RABGAP1L: variants seen among roughly 807,000 people sequenced by gnomAD.
The protein encoded by RABGAP1L is RAB GTPase activating protein 1 like.
In RABGAP1L, 63 loss-of-function variants were observed where a neutral mutation model predicts 137.7. That is an observed-to-expected ratio of 0.46 (90% CI 0.37 to 0.56). The LOEUF (loss-of-function observed/expected upper bound fraction) is 0.56. RABGAP1L is among the 20% of genes least tolerant of loss of function. The probability of loss-of-function intolerance (pLI) is 0.00; values close to 1 mark genes in which losing one functional copy is unlikely to be tolerated. For synonymous variants in RABGAP1L, 431 were observed against 433.7 expected (o/e 0.99, Z 0.08); for missense variants, 1,095 against 1,244.0 (o/e 0.88, Z 1.80).
At chr1:174,377,943 AC>A (rs1349787521) in intron 12 of RABGAP1L, among the ~76,000 whole-genome samples, 36 of 67,070 alleles carry the variant, frequency 5.4e-4, no homozygotes, top group Non-Finnish European at 7.9e-4. Flanking sequence ...CCCTCCCCCC[AC>A]CCCACAACAG....
At chr1:174,474,912 A>G (rs990662723) in intron 13 of RABGAP1L, among the ~76,000 whole-genome samples, 1 of 151,958 alleles carries the variant, frequency 6.6e-6, no homozygotes, top group African/African-American at 2.4e-5. Flanking sequence ...TCTGATTCTT[A>G]TTTCTGTCAT....
chr1:174,403,824 T>G (rs1571639322), intron 13 of RABGAP1L, among the ~76,000 whole-genome samples: 1 of 150,892 alleles, frequency 6.6e-6, no homozygotes, highest in Non-Finnish European at 1.5e-5. Flanking sequence ...TTTTGGTTGG[T>G]GAATATCATG....
chr1:174,443,629 G>T (rs1654402110), intron 13 of RABGAP1L, among the ~76,000 whole-genome samples: 1 of 151,362 alleles, frequency 6.6e-6, no homozygotes, highest in African/African-American at 2.4e-5. Flanking sequence ...CATTTTTTAG[G>T]TTGCCTGTTC....
At chr1:174,951,846 T>C (rs1036273265) in intron 19 of RABGAP1L, among the ~76,000 whole-genome samples, 1 of 152,158 alleles carries the variant, frequency 6.6e-6, no homozygotes, top group African/African-American at 2.4e-5. Flanking sequence ...GCCAATAATA[T>C]CTTACCTTGA....
intron 13 of RABGAP1L, among the ~76,000 whole-genome samples, chr1:174,415,844 C>G (rs2149144649): frequency 6.6e-6 from 1 of 151,860 alleles, no homozygotes; most frequent in Middle Eastern, 3.4e-3. Flanking sequence ...CAAGTATTTG[C>G]AGGGGTGATT....
chr1:174,458,739 T>C (rs1209351993), intron 13 of RABGAP1L, among the ~76,000 whole-genome samples: 1 of 152,140 alleles, frequency 6.6e-6, no homozygotes, highest in African/African-American at 2.4e-5. Context: ...AATCGTATTT[T>C]ACCTTTAAGC....
At chr1:174,543,054 G>T (rs1665622738) in intron 13 of RABGAP1L, among the ~76,000 whole-genome samples, 1 of 152,166 alleles carries the variant, frequency 6.6e-6, no homozygotes, top group Non-Finnish European at 1.5e-5. Context: ...GTGGTGCTGA[G>T]AAGAATGTAT....
chr1:174,569,529 T>C (rs1367073208), intron 13 of RABGAP1L, among the ~76,000 whole-genome samples: 1 of 152,202 alleles, frequency 6.6e-6, no homozygotes, highest in East Asian at 1.9e-4. Flanking sequence ...AGCTGCTCTC[T>C]GGGGTTTCCT....
chr1:174,661,374 A>G (rs1056765472), intron 14 of RABGAP1L, among the ~76,000 whole-genome samples: 2 of 152,228 alleles, frequency 1.3e-5, no homozygotes, highest in African/African-American at 4.8e-5. Context: ...AAGGAGTAAG[A>G]AAACATGTAG....
intron 17 of RABGAP1L, among the ~76,000 whole-genome samples, chr1:174,729,858 T>G (rs879489225): frequency 4.6e-5 from 7 of 152,228 alleles, no homozygotes; most frequent in Non-Finnish European, 8.8e-5. Flanking sequence ...GAAACACTTA[T>G]ACACTGTTGG....
chr1:174,280,048 GGA>G (rs59262212), intron 10 of RABGAP1L, among the ~76,000 whole-genome samples: 16,621 of 125,034 alleles, frequency 0.13, 1,066 homozygotes, highest in African/African-American at 0.18. Context: ...CTGTCTGCCT[GGA>G]GAGAGAGAGA....
At chr1:174,546,077 A>G (rs774795997) in intron 13 of RABGAP1L, among the ~76,000 whole-genome samples, 1 of 152,164 alleles carries the variant, frequency 6.6e-6, no homozygotes, top group African/African-American at 2.4e-5. Context: ...GCTTTTTTAG[A>G]TCTAGCCTGT....
intron 19 of RABGAP1L, among the ~76,000 whole-genome samples, chr1:174,953,458 A>G (rs1573988686): frequency 6.6e-6 from 1 of 151,224 alleles, no homozygotes; most frequent in East Asian, 1.9e-4. Context: ...TCCCCTAACC[A>G]CTCCCCTTTG....
At chr1:174,621,347 A>T (rs1465496695) in intron 13 of RABGAP1L, among the ~76,000 whole-genome samples, 2 of 152,240 alleles carry the variant, frequency 1.3e-5, no homozygotes, top group African/African-American at 4.8e-5. Context: ...GAACTGGAGA[A>T]AACTACTTTA....
At chr1:174,328,895 A>C (rs1680778626) in intron 11 of RABGAP1L, among the ~76,000 whole-genome samples, 1 of 152,174 alleles carries the variant, frequency 6.6e-6, no homozygotes, top group Admixed American at 6.5e-5. Flanking sequence ...AAAAGAAGAA[A>C]GATCTCAAAT....
At chr1:174,686,618 G>A (rs1448030593) in intron 15 of RABGAP1L, among the ~76,000 whole-genome samples, 4 of 150,790 alleles carry the variant, frequency 2.7e-5, no homozygotes, top group Non-Finnish European at 4.4e-5. Flanking sequence ...CAAGACATGG[G>A]TGGTGAAGCT....
chr1:174,586,117 A>G (rs2148109495), intron 13 of RABGAP1L, among the ~76,000 whole-genome samples: 1 of 152,330 alleles, frequency 6.6e-6, no homozygotes, highest in South Asian at 2.1e-4. Context: ...AAGACATGGA[A>G]TCAATCCAAA....
intron 11 of RABGAP1L, among the ~76,000 whole-genome samples, chr1:174,338,075 C>T (rs147863146): frequency 6.6e-6 from 1 of 152,068 alleles, no homozygotes; most frequent in South Asian, 2.1e-4. Flanking sequence ...GGCTCTTGAC[C>T]TTTTTCTCTA....
At chr1:174,547,068 T>G (rs1572269568) in intron 13 of RABGAP1L, among the ~76,000 whole-genome samples, 1 of 149,542 alleles carries the variant, frequency 6.7e-6, no homozygotes, top group African/African-American at 2.5e-5. Flanking sequence ...ATAAAGCAGT[T>G]AAATTAACAC....
Sources: gnomAD v4.1 joint callset for allele counts (sites outside exome capture counted in the v4.1 genomes callset) on GRCh38, gnomAD v4.1.1 for gene constraint, MANE v1.5 for transcripts, NCBI Gene and HGNC (gene_info 2026-07-23, HGNC 2026-07-21) for gene names.